The following ULK2 variants were observed in gnomAD, a reference collection of about 807,000 sequenced individuals.
The protein encoded by ULK2 is unc-51 like autophagy activating kinase 2.
Under a neutral mutation model 127.5 loss-of-function variants are expected in ULK2, and 76 were observed. That is an observed-to-expected ratio of 0.60 (90% confidence interval 0.50 to 0.72). The LOEUF (loss-of-function observed/expected upper bound fraction) is 0.72, where lower values mean the gene tolerates loss of function less well. Ranked by LOEUF, ULK2 falls within the 30% of genes least tolerant of loss-of-function variation. ULK2 has a pLI of 0.00. For synonymous variants in ULK2, 452 were observed against 461.9 expected, an observed-to-expected ratio of 0.98 and a Z score of 0.28; for missense variants, 1,144 against 1,295.9, an observed-to-expected ratio of 0.88 and a Z score of 1.80.
Position 19,867,438 on chromosome 17 carries a change from C to A in ULK2, c.-21G>T. The A allele has an allele frequency of 1.3e-6, 2 of 1,582,570 alleles. No individual in the cohort carries two copies. The highest frequency in any genetic ancestry group is 1.7e-6 in the Non-Finnish European group (2 of 1,166,622). ...TCCATGGCCGCGCCCCCGGGGCACA[C>A]AGCGGACGGGCGGGCGGCGCAGTGC... On this transcript the variant is annotated 5_prime_UTR_variant, in exon 1 of 27. Transcript: ENST00000395544.
chr17:19,808,888 A>G (rs2087568546), intron 14 of ULK2, among the ~76,000 whole-genome samples: 1 of 152,200 alleles, frequency 6.6e-6, no homozygotes. Flanking sequence ...AGTAAACACA[A>G]AATTACCATA....
At chr17:19,812,141 C>G (rs2087656153) in intron 13 of ULK2, among the ~76,000 whole-genome samples, 1 of 152,148 alleles carries the variant, frequency 6.6e-6, no homozygotes, top group Non-Finnish European at 1.5e-5. Flanking sequence ...GCTTAGTAAT[C>G]AGCAGTACCA....
intron 5 of ULK2, among the ~76,000 whole-genome samples, chr17:19,847,490 G>A (rs751299846): frequency 6.6e-6 from 1 of 152,036 alleles, no homozygotes; most frequent in Non-Finnish European, 1.5e-5. Flanking sequence ...TGTTTTAACC[G>A]ATTTCACCAC....
intron 15 of ULK2, among the ~76,000 whole-genome samples, chr17:19,802,724 C>T (rs1344276437): frequency 6.6e-6 from 1 of 152,148 alleles, no homozygotes; most frequent in Admixed American, 6.5e-5. Context: ...AGCAAGTGGT[C>T]GTTGCTAAAA....
intron 21 of ULK2, 81 bp from the exon 22 acceptor site, chr17:19,783,986 C>A: frequency 1.6e-6 from 2 of 1,234,716 alleles, no homozygotes; most frequent in Non-Finnish European, 2.1e-6. Context: ...ACTAAACAAA[C>A]CTGCTGAGGT....
Position 19,797,638 on chromosome 17 carries a change from C to G in ULK2, c.1567G>C (p.Gly523Arg). Residue 523 changes from glycine to arginine, a missense_variant, in exon 18 of 27, where the codon GGT becomes CGT. This residue lies in a region of ULK2 where 913 missense variants were observed against 970.5 expected (regional missense o/e 0.94). Coordinates refer to ENST00000395544, the MANE Select transcript of ULK2 (RefSeq NM_014683.4). ...GTGGGGGCGCTCTGCAGTCTAGCACCCGATAAGAGAGACTGTGGGGACTGA... is the reference window on the plus strand; with the variant it reads ...GTGGGGGCGCTCTGCAGTCTAGCACGCGATAAGAGAGACTGTGGGGACTGA... Reference protein sequence around the residue: ...QAQSPQSLLSGARLQSAPTLT... With the variant: ...QAQSPQSLLSRARLQSAPTLT... 2 of 1,593,540 alleles carry G rather than the reference C, an allele frequency of 1.3e-6. No homozygotes were observed. Among genetic ancestry groups the G allele is most frequent in the Non-Finnish European group, 1.7e-6 (2 of 1,169,250 alleles).
rs536816980 is a variant in ULK2 at position 19,860,572 on chromosome 17, T to C, written c.225+4231A>G. Among the ~76,000 whole-genome samples, 4 of 151,342 alleles carry C rather than the reference T, an allele frequency of 2.6e-5. No homozygotes were observed. In the East Asian group the frequency reaches 7.8e-4, roughly 29 times the overall value. On this transcript the variant is annotated intron_variant, in intron 3 of 26. Transcript: ENST00000395544. ...GGAGTTTCCCTCTTGTTGCCCAGGC[T>C]GGAGTGCAATGGCGCGATCTCGGCT...
At chr17:19,844,489 T>A (rs2041834474) in intron 7 of ULK2, among the ~76,000 whole-genome samples, 1 of 152,104 alleles carries the variant, frequency 6.6e-6, no homozygotes, top group African/African-American at 2.4e-5. Context: ...CCTTTAATAA[T>A]CAGCCAAAGC....
At chr17:19,788,120 TG>T (rs2152383353) in intron 20 of ULK2, among the ~76,000 whole-genome samples, 1 of 152,148 alleles carries the variant, frequency 6.6e-6, no homozygotes, top group South Asian at 2.1e-4. Context: ...CGGGTCCAAG[TG>T]AACTTGAAAG....
intron 14 of ULK2, among the ~76,000 whole-genome samples, chr17:19,809,732 CAAAAAAAAA>C (rs369486144): frequency 1.1e-5 from 1 of 90,500 alleles, no homozygotes; most frequent in African/African-American, 4.8e-5. Flanking sequence ...GACTCCGTCT[CAAAAAAAAA>C]AAAAAAAAAA....
intron 10 of ULK2, among the ~76,000 whole-genome samples, chr17:19,830,618 TAAAAA>T (rs3866960): frequency 7.2e-6 from 1 of 138,686 alleles, no homozygotes; most frequent in African/African-American, 2.7e-5. Flanking sequence ...TGAGATTGTT[TAAAAA>T]AAAAAAAAAA....
At chr17:19,795,526 G>C (rs1394603375) in intron 20 of ULK2, 96 bp downstream of exon 20, 1 of 1,017,424 alleles carries the variant, frequency 9.8e-7, no homozygotes, top group African/African-American at 1.6e-5. Context: ...GTTGTTTTAT[G>C]CCACCAAGCA....
At position 19,773,811 on chromosome 17, in the gene ULK2, C is replaced by A. The variant is rs1188070203; in HGVS notation, c.*2538G>T. 2.0e-5 allele frequency: 3 copies of A among 152,162 alleles called. No homozygotes were observed. The highest frequency in any genetic ancestry group is 6.5e-5 in the Admixed American group (1 of 15,272). The allele number at this position is 152,162 out of a possible 1,614,324, so 9.4% of individuals were successfully genotyped here. A position where few individuals can be genotyped will look rare whatever the true frequency, so the allele number is the denominator to read the frequency against. ...CAGGCCTCATGTCCGCTGTATCCAA[C>A]TCAATTTCCTCTTAATTACTGTGGA... On this transcript the variant is annotated 3_prime_UTR_variant, in exon 27 of 27. Coordinates refer to ENST00000395544, the MANE Select transcript of ULK2 (RefSeq NM_014683.4).
At chr17:19,855,361 G>A (rs1205023855) in intron 3 of ULK2, among the ~76,000 whole-genome samples, 2 of 151,262 alleles carry the variant, frequency 1.3e-5, no homozygotes, top group Non-Finnish European at 2.9e-5. Context: ...CCGAGATCGC[G>A]CCACTGCACT....
At chr17:19,780,425 TTAAAGA>T (rs1192868374) in intron 25 of ULK2, 41 bp downstream of exon 25, 8 of 1,484,982 alleles carry the variant, frequency 5.4e-6, no homozygotes, top group Non-Finnish European at 5.4e-6. Context: ...AAAAAGACAC[TTAAAGA>T]TAAGTAGTAC....
intron 20 of ULK2, among the ~76,000 whole-genome samples, chr17:19,793,584 G>C (rs1310070667): frequency 1.3e-5 from 2 of 152,110 alleles, no homozygotes; most frequent in African/African-American, 2.4e-5. Flanking sequence ...AGAAAATACA[G>C]AGTTAGGCAA....
Position 19,780,694 on chromosome 17 carries a change from G to C in ULK2, c.2759-65C>G, listed in dbSNP as rs762683947. On this transcript the variant is annotated intron_variant, in intron 24 of 26. Coordinates refer to ENST00000395544, the MANE Select transcript of ULK2 (RefSeq NM_014683.4). Reference sequence around the variant, plus strand: ...TCCAGAAATAAAGACACAGTTATATGTATCTTTCCTGCTGATATATAGGGA... The same window carrying C: ...TCCAGAAATAAAGACACAGTTATATCTATCTTTCCTGCTGATATATAGGGA... 638 of 1,480,540 alleles carry C rather than the reference G, an allele frequency of 4.3e-4. 1 individual carries two copies. Among genetic ancestry groups the C allele is most frequent in the Non-Finnish European group, 5.7e-4 (629 of 1,102,404 alleles). The allele number at this position is 1,480,540 out of a possible 1,614,324, so 91.7% of individuals were successfully genotyped here.
At chr17:19,822,541 G>GA (rs376365083) in intron 12 of ULK2, among the ~76,000 whole-genome samples, 1 of 149,410 alleles carries the variant, frequency 6.7e-6, no homozygotes, top group Admixed American at 6.7e-5. Context: ...TTTGTTATTT[G>GA]AAAAAACACC....
At chr17:19,846,977 A>G in intron 5 of ULK2, 67 bp from the exon 6 acceptor site, 1 of 1,470,450 alleles carries the variant, frequency 6.8e-7, no homozygotes. Context: ...ATATTCCATC[A>G]ACAGGATTGG....
Sources: allele counts gnomAD v4.1 joint callset (sites outside exome capture counted in the v4.1 genomes callset), GRCh38; gene constraint gnomAD v4.1.1; regional missense constraint gnomAD v4.1.1; transcripts MANE v1.5; gene names NCBI Gene and HGNC (gene_info 2026-07-23, HGNC 2026-07-21).